The following DOCK9 variants were observed in gnomAD, a reference collection of about 807,000 sequenced individuals.
The protein encoded by DOCK9 is dedicator of cytokinesis protein 9.
DOCK9 carries 89 observed loss-of-function variants against 263.3 expected under a neutral mutation model. That is an observed-to-expected ratio of 0.34 (90% CI 0.28 to 0.40). The LOEUF (loss-of-function observed/expected upper bound fraction) is 0.40. DOCK9 is among the 10% of genes least tolerant of loss of function. The pLI is 1.00. For synonymous variants in DOCK9, 976 were observed against 973.1 expected, an observed-to-expected ratio of 1.00 and a Z score of -0.06; for missense variants, 2,140 against 2,603.4, an observed-to-expected ratio of 0.82 and a Z score of 3.87.
Position 98,817,590 on chromosome 13 carries a change from G to A in DOCK9, c.5130+6808C>T, listed in dbSNP as rs564020668. Among the ~76,000 whole-genome samples, 10 of 150,558 alleles carry A rather than the reference G, an allele frequency of 6.6e-5. No homozygotes were observed. The South Asian group carries it at 1.1e-3, about 16-fold the overall frequency. On this transcript the variant is annotated intron_variant, in intron 45 of 52. Coordinates refer to ENST00000682017, the MANE Select transcript of DOCK9 (RefSeq NM_001366683.2). The stretch of plus-strand genomic sequence containing the variant: ...TTACAGGTGTGAGCCACCACATCTA[G>A]CCTAAACTATGATTCGAATACATGC...
At position 98,825,943 on chromosome 13, in the gene DOCK9, A is replaced by G; in HGVS notation, c.5023+887T>C. ...GGGCGGCTCCCACTGGACTGCTTCTAAACATGAGGAAATGCATCACCTGAT... is the reference window on the plus strand; with the variant it reads ...GGGCGGCTCCCACTGGACTGCTTCTGAACATGAGGAAATGCATCACCTGAT... On this transcript the variant is annotated intron_variant, in intron 44 of 52. Coordinates refer to ENST00000682017, the MANE Select transcript of DOCK9 (RefSeq NM_001366683.2). The surrounding 1 kb of genome is among the most constrained non-coding windows in gnomAD (Gnocchi z 4.1). 6.5e-7 allele frequency: 1 copy of G among 1,537,602 alleles called. No homozygotes were observed. Among genetic ancestry groups the G allele is most frequent in the South Asian group, 1.3e-5 (1 of 78,054 alleles).
chr13:99,032,803 T>C (rs1329675738), intron 1 of DOCK9, among the ~76,000 whole-genome samples: 1 of 152,222 alleles, frequency 6.6e-6, no homozygotes, highest in African/African-American at 2.4e-5. Context: ...ACTCTTGTAT[T>C]TGGCAAACAA....
At chr13:98,926,323 A>T (rs1393624960) in intron 3 of DOCK9, among the ~76,000 whole-genome samples, 4 of 152,220 alleles carry the variant, frequency 2.6e-5, no homozygotes, top group African/African-American at 9.6e-5. Context: ...GGTATTTACT[A>T]ATATTAGAAC....
chr13:98,875,925 A>T (rs914674235), intron 27 of DOCK9, among the ~76,000 whole-genome samples: 3 of 152,202 alleles, frequency 2.0e-5, no homozygotes, highest in African/African-American at 7.2e-5. Context: ...GAACATGGCC[A>T]CTTCCACCTT....
intron 1 of DOCK9, among the ~76,000 whole-genome samples, chr13:98,987,447 T>C (rs74111835): frequency 3.9e-5 from 6 of 152,212 alleles, no homozygotes; most frequent in Admixed American, 3.9e-4. Context: ...AACATTCCAC[T>C]GGCCCATCTA....
intron 32 of DOCK9, among the ~76,000 whole-genome samples, chr13:98,862,389 TATAAGA>T: frequency 6.6e-6 from 1 of 152,090 alleles, no homozygotes; most frequent in Non-Finnish European, 1.5e-5. Context: ...CTAGCGTCCT[TATAAGA>T]AGAAGAGAGG....
chr13:98,826,339 C>T (rs759802387), intron 44 of DOCK9, among the ~76,000 whole-genome samples: 12 of 152,286 alleles, frequency 7.9e-5, no homozygotes, highest in African/African-American at 7.2e-5. Context: ...TGGGCACAAA[C>T]GGAGAGTGCA....
intron 37 of DOCK9, 74 bp downstream of exon 37, chr13:98,848,518 A>T (rs2093459738): frequency 6.6e-7 from 1 of 1,516,938 alleles, no homozygotes; most frequent in African/African-American, 1.4e-5. Flanking sequence ...ACCGCCACTG[A>T]TGACCAATCC....
chr13:98,832,955 G>A (rs1176085923), intron 39 of DOCK9: 1 of 152,176 alleles, frequency 6.6e-6, no homozygotes, highest in Non-Finnish European at 1.5e-5. Flanking sequence ...CTTGTTGTTG[G>A]AGGGAAATTT....
chr13:98,927,490 C>G (rs1410072502), intron 3 of DOCK9, among the ~76,000 whole-genome samples: 1 of 152,140 alleles, frequency 6.6e-6, no homozygotes, highest in Admixed American at 6.5e-5. Context: ...GAAATTGTAC[C>G]ACCAAGTCTC....
At chr13:99,081,593 T>C (rs1358724794) in intron 1 of DOCK9, among the ~76,000 whole-genome samples, 1 of 152,242 alleles carries the variant, frequency 6.6e-6, no homozygotes, top group Non-Finnish European at 1.5e-5. Flanking sequence ...GGATGTGACC[T>C]GATATTCACA....
chr13:98,846,369 A>T, intron 37 of DOCK9: 1 of 601,194 alleles, frequency 1.7e-6, no homozygotes, highest in Non-Finnish European at 2.8e-6. Flanking sequence ...TGTTCTGACG[A>T]CTGTCAAAAC....
intron 4 of DOCK9, 139 bp from the exon 5 acceptor site, chr13:98,923,510 C>A: frequency 1.5e-6 from 1 of 681,986 alleles, no homozygotes; most frequent in South Asian, 1.9e-5. Context: ...AAGAATAAAA[C>A]CATCTATGCC....
chr13:99,086,962 G>A (rs1323500562), upstream of DOCK9, among the ~76,000 whole-genome samples: 4 of 152,102 alleles, frequency 2.6e-5, no homozygotes, highest in Admixed American at 2.0e-4. Context: ...GCGCGGTTTC[G>A]GAGCAGGGTT....
intron 1 of DOCK9, chr13:99,016,056 G>C (rs988029769): frequency 6.5e-6 from 1 of 153,374 alleles, no homozygotes; most frequent in African/African-American, 2.4e-5. Flanking sequence ...ATGCTGCTGG[G>C]AGGCACAAAG....
intron 45 of DOCK9, among the ~76,000 whole-genome samples, chr13:98,812,485 A>C (rs2091407808): frequency 6.6e-6 from 1 of 151,192 alleles, no homozygotes; most frequent in East Asian, 1.9e-4. Flanking sequence ...TCAGGCTCGC[A>C]TAGTTTTTAT....
rs548695913 is a variant in DOCK9, at chr13:98,820,755, A to G, written c.5130+3643T>C. 1.8e-4 allele frequency: 68 copies of G among 369,796 alleles called. 1 individual carries two copies. Among genetic ancestry groups the G allele is most frequent in the South Asian group, 1.4e-3 (64 of 47,248 alleles). The allele number at this position is 369,796 out of a possible 1,614,324, so 22.9% of individuals were successfully genotyped here. A position where few individuals can be genotyped will look rare whatever the true frequency, so the allele number is the denominator to read the frequency against. ...TCTCCAGATATTGAGATATCTAGAC[A>G]CTCTCAAGTCTGGGTCTGTCTAGTA... On this transcript the variant is annotated intron_variant, in intron 45 of 52. Transcript: ENST00000682017.
intron 2 of DOCK9, among the ~76,000 whole-genome samples, chr13:98,942,705 T>C (rs1192950728): frequency 3.3e-5 from 5 of 152,178 alleles, no homozygotes; most frequent in Non-Finnish European, 7.3e-5. Context: ...ACTTTGTCCT[T>C]GTGCAGACTT....
intron 1 of DOCK9, among the ~76,000 whole-genome samples, chr13:98,984,642 T>C (rs1216727768): frequency 2.0e-5 from 3 of 152,166 alleles, no homozygotes; most frequent in Non-Finnish European, 4.4e-5. Context: ...ATCACTTCTT[T>C]AGTCAGAAAT....
Sources: gnomAD v4.1 joint callset for allele counts (sites outside exome capture counted in the v4.1 genomes callset) on GRCh38, gnomAD v4.1.1 for gene constraint, Gnocchi (gnomAD v3.1) non-coding constraint, MANE v1.5 for transcripts, NCBI Gene and HGNC (gene_info 2026-07-23, HGNC 2026-07-21) for gene names.